RNGTT: variants seen among roughly 807,000 people sequenced by gnomAD.
RNGTT encodes mRNA-capping enzyme.
In RNGTT, 33 loss-of-function variants were observed where a neutral mutation model predicts 79.3. That is an observed-to-expected ratio of 0.42 (90% CI 0.32 to 0.56). RNGTT has a LOEUF of 0.56. Among genes scored for constraint, RNGTT ranks in the 20% least tolerant of loss-of-function variants. The pLI is 0.17. For missense variants in RNGTT, 497 were observed against 739.1 expected (o/e 0.67, Z 3.80); for synonymous variants, 222 against 235.9 (o/e 0.94, Z 0.54).
chr6:88,682,855 G>A (rs1038868874), intron 13 of RNGTT, among the ~76,000 whole-genome samples: 32 of 152,234 alleles, frequency 2.1e-4, no homozygotes, highest in African/African-American at 7.2e-4. Context: ...AAATCTCCAT[G>A]TCTGTAAAGA....
intron 12 of RNGTT, among the ~76,000 whole-genome samples, chr6:88,781,428 TATA>T (rs1779060439): frequency 6.6e-6 from 1 of 151,948 alleles, no homozygotes; most frequent in Non-Finnish European, 1.5e-5. Flanking sequence ...CTGTCCTTAC[TATA>T]ATATTAGTTT....
At chr6:88,742,512 T>C (rs1247680895) in intron 13 of RNGTT, among the ~76,000 whole-genome samples, 1 of 152,222 alleles carries the variant, frequency 6.6e-6, no homozygotes, top group South Asian at 2.1e-4. Context: ...TCTTCTTTCA[T>C]CTTTCCTTTT....
chr6:88,730,457 C>T (rs1274486116), intron 13 of RNGTT, among the ~76,000 whole-genome samples: 1 of 152,218 alleles, frequency 6.6e-6, no homozygotes, highest in Non-Finnish European at 1.5e-5. Flanking sequence ...CAACTGTGTG[C>T]TCACCATTGC....
intron 11 of RNGTT, among the ~76,000 whole-genome samples, chr6:88,839,663 C>CT: frequency 6.6e-6 from 1 of 152,214 alleles, no homozygotes; most frequent in East Asian, 1.9e-4. Context: ...GATGGATACA[C>CT]TAAAAGCTAA....
chr6:88,636,963 T>C (rs1773122905), intron 14 of RNGTT, among the ~76,000 whole-genome samples: 1 of 152,060 alleles, frequency 6.6e-6, no homozygotes, highest in South Asian at 2.1e-4. Context: ...CAGATGCTTT[T>C]GATAAATGTG....
rs558466048 is a variant in RNGTT, at chr6:88,803,569, T to G, written c.1270-1937A>C. Among the ~76,000 whole-genome samples the G allele has an allele frequency of 2.2e-4, 23 of 104,156 alleles. No homozygotes were observed. In the South Asian group the frequency reaches 7.8e-3, roughly 35 times the overall value. 68.3% of individuals were successfully genotyped at this position (104,156 alleles called of 152,430 possible). A position where few individuals can be genotyped will look rare whatever the true frequency, so the allele number is the denominator to read the frequency against. On this transcript the variant is annotated intron_variant, in intron 11 of 15. Coordinates refer to ENST00000369485, the MANE Select transcript of RNGTT (RefSeq NM_003800.5). ...TCCAGCCTGGGCAACAGAGTGAGACTCCATCTCAAAAAAAAAAAAAAAAAA... is the reference window on the plus strand; with the variant it reads ...TCCAGCCTGGGCAACAGAGTGAGACGCCATCTCAAAAAAAAAAAAAAAAAA...
At chr6:88,866,067 TG>T (rs1220804346) in intron 8 of RNGTT, among the ~76,000 whole-genome samples, 1 of 152,172 alleles carries the variant, frequency 6.6e-6, no homozygotes, top group East Asian at 1.9e-4. Flanking sequence ...ACTAACAGTT[TG>T]GGGAAGTGCA....
intron 2 of RNGTT, among the ~76,000 whole-genome samples, chr6:88,932,847 T>TA (rs1192657260): frequency 6.6e-6 from 1 of 151,882 alleles, no homozygotes; most frequent in Non-Finnish European, 1.5e-5. Flanking sequence ...AAACTGAGGC[T>TA]AAAAAAAAGT....
In RNGTT at chr6:88,772,940, T is replaced by C. The variant is rs1373893693; in HGVS notation, c.1339-3066A>G. Among the ~76,000 whole-genome samples, 363 of 151,998 alleles carry C rather than the reference T, an allele frequency of 2.4e-3. 1 individual carries two copies. The highest frequency in any genetic ancestry group is 8.3e-3 in the African/African-American group (344 of 41,420). Reference sequence around the variant, plus strand: ...TTCTTCAGGGATCTAGAACTAGAAATACCATTTGACCCAGCCATCCCATTA... The same window carrying C: ...TTCTTCAGGGATCTAGAACTAGAAACACCATTTGACCCAGCCATCCCATTA... On this transcript the variant is annotated intron_variant, in intron 12 of 15. Transcript: ENST00000369485.
At chr6:88,844,655 A>G in intron 10 of RNGTT, 134 bp from the exon 11 acceptor site, 1 of 721,318 alleles carries the variant, frequency 1.4e-6, no homozygotes, top group South Asian at 2.0e-5. Context: ...CACAGCGTGC[A>G]CAAACATATA....
At chr6:88,696,266 C>T (rs542268760) in intron 13 of RNGTT, among the ~76,000 whole-genome samples, 6 of 152,124 alleles carry the variant, frequency 3.9e-5, no homozygotes, top group African/African-American at 9.6e-5. Flanking sequence ...ATATTGTAAT[C>T]GTAATGACAA....
intron 11 of RNGTT, among the ~76,000 whole-genome samples, chr6:88,834,172 C>A (rs771850824): frequency 6.6e-6 from 1 of 152,104 alleles, no homozygotes; most frequent in Non-Finnish European, 1.5e-5. Flanking sequence ...AAAAATCTTT[C>A]ATAGAAATAT....
intron 13 of RNGTT, among the ~76,000 whole-genome samples, chr6:88,683,784 G>A (rs1775175945): frequency 6.6e-6 from 1 of 152,174 alleles, no homozygotes; most frequent in South Asian, 2.1e-4. Flanking sequence ...AGAGGACAAG[G>A]TTGGAGGATC....
intron 13 of RNGTT, among the ~76,000 whole-genome samples, chr6:88,709,631 T>C (rs935698252): frequency 1.3e-5 from 2 of 152,252 alleles, no homozygotes; most frequent in Non-Finnish European, 2.9e-5. Flanking sequence ...TTCTAAAACA[T>C]TATTTCAACA....
At chr6:88,870,414 T>A (rs1048455068) in intron 8 of RNGTT, among the ~76,000 whole-genome samples, 4 of 151,708 alleles carry the variant, frequency 2.6e-5, no homozygotes, top group African/African-American at 9.7e-5. Flanking sequence ...AACTTTTCTA[T>A]CCTATGAACA....
intron 13 of RNGTT, among the ~76,000 whole-genome samples, chr6:88,758,052 T>C (rs1440444877): frequency 6.6e-6 from 1 of 152,220 alleles, no homozygotes; most frequent in Non-Finnish European, 1.5e-5. Flanking sequence ...TGATTTCATA[T>C]CTGTTTTTTC....
At chr6:88,737,814 A>G (rs1459504577) in intron 13 of RNGTT, among the ~76,000 whole-genome samples, 1 of 152,198 alleles carries the variant, frequency 6.6e-6, no homozygotes, top group Non-Finnish European at 1.5e-5. Context: ...CACCCAGTCT[A>G]TGGTATTTTG....
intron 12 of RNGTT, among the ~76,000 whole-genome samples, chr6:88,789,343 C>T (rs1172853428): frequency 6.6e-6 from 1 of 152,106 alleles, no homozygotes; most frequent in Non-Finnish European, 1.5e-5. Context: ...CAGTGGATAA[C>T]GAGGTCAGGA....
intron 14 of RNGTT, among the ~76,000 whole-genome samples, chr6:88,650,585 G>A (rs1773760643): frequency 6.6e-6 from 1 of 151,956 alleles, no homozygotes; most frequent in South Asian, 2.1e-4. Flanking sequence ...AATCTAGCGT[G>A]ATGGCAAAAC....
Sources: gnomAD v4.1 joint callset for allele counts (sites outside exome capture counted in the v4.1 genomes callset) on GRCh38, gnomAD v4.1.1 for gene constraint, MANE v1.5 for transcripts, NCBI Gene and HGNC (gene_info 2026-07-23, HGNC 2026-07-21) for gene names.